The following ELAPOR2 variants were observed in gnomAD, a reference collection of about 807,000 sequenced individuals.
ELAPOR2 encodes endosome/lysosome-associated apoptosis and autophagy regulator family member 2.
ELAPOR2 carries 89 observed loss-of-function variants against 120.7 expected under a neutral mutation model. The ratio of observed to expected loss-of-function variants is 0.74; its 90% CI spans 0.62 to 0.88. ELAPOR2 has a LOEUF of 0.88. Ranked by LOEUF, ELAPOR2 falls within the 40% of genes least tolerant of loss-of-function variation. The pLI is 0.00. For synonymous variants in ELAPOR2, 444 were observed against 444.9 expected (o/e 1.00, Z 0.03); for missense variants, 1,134 against 1,251.6 (o/e 0.91, Z 1.42).
intron 1 of ELAPOR2, among the ~76,000 whole-genome samples, chr7:87,040,009 G>A (rs879273274): frequency 1.4e-4 from 21 of 152,046 alleles, no homozygotes; most frequent in Non-Finnish European, 2.8e-4. Flanking sequence ...AAGGGGTGAC[G>A]GACGGCACCT....
At chr7:87,019,438 A>G (rs1358270167) in intron 1 of ELAPOR2, among the ~76,000 whole-genome samples, 2 of 152,206 alleles carry the variant, frequency 1.3e-5, no homozygotes, top group Non-Finnish European at 2.9e-5. Flanking sequence ...TGCTGGGATT[A>G]AAGGAATGAG....
intron 1 of ELAPOR2, among the ~76,000 whole-genome samples, chr7:86,999,887 T>C (rs1320813861): frequency 6.6e-6 from 1 of 152,178 alleles, no homozygotes; most frequent in Non-Finnish European, 1.5e-5. Context: ...TTCTCATGCA[T>C]ATTTCATCTG....
At chr7:86,931,890 C>T (rs1203436585) in intron 8 of ELAPOR2, among the ~76,000 whole-genome samples, 1 of 151,916 alleles carries the variant, frequency 6.6e-6, no homozygotes, top group Non-Finnish European at 1.5e-5. Flanking sequence ...TTTCTATGAA[C>T]CTGTGAAAAA....
At chr7:86,987,309 C>T (rs984516987) in intron 1 of ELAPOR2, among the ~76,000 whole-genome samples, 1 of 152,118 alleles carries the variant, frequency 6.6e-6, no homozygotes, top group Non-Finnish European at 1.5e-5. Flanking sequence ...GATGAAAACA[C>T]CAAAAGCAAC....
rs12539042 is a variant in ELAPOR2 at position 86,945,729 on chromosome 7, T to A, written c.507-683A>T. Among the ~76,000 whole-genome samples the A allele has an allele frequency of 6.7e-3, 1,019 of 152,264 alleles. 21 individuals carry two copies. Among genetic ancestry groups the A allele is most frequent in the Admixed American group, 0.052 (796 of 15,284 alleles). On this transcript the variant is annotated intron_variant, in intron 3 of 21. Coordinates refer to ENST00000450689, the MANE Select transcript of ELAPOR2 (RefSeq NM_001142749.3). ...AACTCTATGTTACCATAAGGATGCA[T>A]ACAGTAATTTCTAGCCTTTGCAACC...
At chr7:86,885,534 C>A (rs1799647710) in intron 21 of ELAPOR2, among the ~76,000 whole-genome samples, 1 of 152,056 alleles carries the variant, frequency 6.6e-6, no homozygotes, top group African/African-American at 2.4e-5. Flanking sequence ...TCAGCTGCTT[C>A]AAGAAAAAAG....
chr7:86,883,026 GTGTGTGT>G (rs1562893997), intron 21 of ELAPOR2, among the ~76,000 whole-genome samples: 1 of 114,974 alleles, frequency 8.7e-6, no homozygotes, highest in Admixed American at 8.6e-5. Context: ...TGAAAGGGGT[GTGTGTGT>G]GTGTGTGTGT....
intron 1 of ELAPOR2, among the ~76,000 whole-genome samples, chr7:87,043,634 G>A (rs1794854790): frequency 2.7e-5 from 4 of 146,996 alleles, no homozygotes; most frequent in Non-Finnish European, 4.5e-5. Context: ...AGCTATCTAT[G>A]ACAAACCCAC....
chr7:86,993,691 T>C (rs1274370118), intron 1 of ELAPOR2, among the ~76,000 whole-genome samples: 1 of 152,218 alleles, frequency 6.6e-6, no homozygotes, highest in African/African-American at 2.4e-5. Flanking sequence ...ATTGAAACTG[T>C]TAATGTCCAA....
chr7:87,037,992 T>C (rs1179097416), intron 1 of ELAPOR2, among the ~76,000 whole-genome samples: 3 of 152,238 alleles, frequency 2.0e-5, no homozygotes, highest in African/African-American at 7.2e-5. Flanking sequence ...AACCCATCTG[T>C]ACTATCATCA....
At chr7:87,042,441 C>T (rs1377263784) in intron 1 of ELAPOR2, among the ~76,000 whole-genome samples, 3 of 151,212 alleles carry the variant, frequency 2.0e-5, no homozygotes, top group African/African-American at 7.4e-5. Flanking sequence ...CAAACTAGAA[C>T]TCAGGATGAG....
At chr7:86,933,671 T>C (rs1207915364) in intron 8 of ELAPOR2, among the ~76,000 whole-genome samples, 3 of 152,006 alleles carry the variant, frequency 2.0e-5, no homozygotes. Flanking sequence ...TTCCTCCCCT[T>C]GCTTTTCATG....
intron 1 of ELAPOR2, among the ~76,000 whole-genome samples, chr7:87,033,783 A>T (rs1053661459): frequency 1.3e-5 from 2 of 152,102 alleles, no homozygotes; most frequent in African/African-American, 2.4e-5. Context: ...GTACAAAAAA[A>T]ATCAATAGTG....
intron 2 of ELAPOR2, among the ~76,000 whole-genome samples, chr7:86,953,111 A>C (rs1398163760): frequency 6.7e-5 from 10 of 148,230 alleles, no homozygotes; most frequent in East Asian, 1.9e-4. Flanking sequence ...AAAAAAAAAA[A>C]CCCACACAAT....
intron 1 of ELAPOR2, among the ~76,000 whole-genome samples, chr7:87,031,388 G>C (rs999647397): frequency 1.3e-5 from 2 of 151,696 alleles, no homozygotes; most frequent in Admixed American, 6.6e-5. Flanking sequence ...CCTCATTTTA[G>C]CCTCTGAATG....
intron 18 of ELAPOR2, among the ~76,000 whole-genome samples, chr7:86,901,912 A>T (rs1330095775): frequency 6.6e-6 from 1 of 152,204 alleles, no homozygotes; most frequent in Non-Finnish European, 1.5e-5. Flanking sequence ...ATCTTGCTCC[A>T]AAATTTTTTT....
At chr7:86,936,865 G>C (rs1317237219) in intron 8 of ELAPOR2, among the ~76,000 whole-genome samples, 3 of 151,974 alleles carry the variant, frequency 2.0e-5, no homozygotes, top group African/African-American at 7.3e-5. Flanking sequence ...TTGTAGATAA[G>C]ACGAGATCCT....
chr7:86,917,666 T>C (rs12704297), intron 12 of ELAPOR2, among the ~76,000 whole-genome samples: 18,880 of 152,136 alleles, frequency 0.12, 1,452 homozygotes, highest in Non-Finnish European at 0.17. Flanking sequence ...TGCCACAAAG[T>C]GGATACTTTT....
intron 1 of ELAPOR2, among the ~76,000 whole-genome samples, chr7:87,008,704 T>G (rs80172388): frequency 6.6e-6 from 1 of 152,306 alleles, no homozygotes; most frequent in East Asian, 1.9e-4. Flanking sequence ...CTAGGAAATA[T>G]GTACTGAATT....
Sources: allele counts gnomAD v4.1 joint callset (sites outside exome capture counted in the v4.1 genomes callset), GRCh38; gene constraint gnomAD v4.1.1; transcripts MANE v1.5; gene names NCBI Gene and HGNC (gene_info 2026-07-23, HGNC 2026-07-21).